The following CMSS1 variants were observed in gnomAD, a reference collection of about 807,000 sequenced individuals.
The protein encoded by CMSS1 is cms1 ribosomal small subunit homolog, also known as protein CMSS1.
A neutral mutation model predicts 43.5 loss-of-function variants in CMSS1; 33 were observed. The observed-to-expected ratio is 0.76, with a 90% CI of 0.57 to 1.01. CMSS1 has a LOEUF of 1.01. Ranked by LOEUF, CMSS1 falls within the 50% of genes least tolerant of loss-of-function variation. The probability of loss-of-function intolerance (pLI) is 0.00; values close to 1 mark genes in which losing one functional copy is unlikely to be tolerated. For missense variants in CMSS1, 313 were observed against 326.4 expected (o/e 0.96, Z 0.32); for synonymous variants, 115 against 117.2 (o/e 0.98, Z 0.12).
chr3:100,150,544 T>C (rs1457605447), intron 2 of CMSS1, among the ~76,000 whole-genome samples: 1 of 152,230 alleles, frequency 6.6e-6, no homozygotes, highest in Non-Finnish European at 1.5e-5. Context: ...TTGCCATAGC[T>C]GGGCCTCACA....
Position 100,059,604 on chromosome 3 carries a change from A to G in CMSS1, c.65-87369A>G, listed in dbSNP as rs144888331. Among the ~76,000 whole-genome samples, 1,104 of 152,304 alleles carry G rather than the reference A, an allele frequency of 7.2e-3. 19 individuals are homozygous for G. Among genetic ancestry groups the G allele is most frequent in the African/African-American group, 0.024 (1,017 of 41,572 alleles). ...ATTCAAACAGCGTTAGGAGCCAGGA[A>G]GGTTTGTGAGCCAGAAGGCGGGGGC... On this transcript the variant is annotated intron_variant, in intron 1 of 9. Transcript: ENST00000421999.
intron 1 of CMSS1, among the ~76,000 whole-genome samples, chr3:100,033,152 G>T (rs112527225): frequency 1.5e-3 from 234 of 152,160 alleles, no homozygotes; most frequent in African/African-American, 5.2e-3. Context: ...TGTGGTTACT[G>T]TATGGTAATG....
chr3:100,129,011 A>T (rs1445736625), intron 1 of CMSS1, among the ~76,000 whole-genome samples: 2 of 151,968 alleles, frequency 1.3e-5, no homozygotes, highest in Non-Finnish European at 2.9e-5. Flanking sequence ...TACTGTACAG[A>T]TTTGTGTGGG....
chr3:100,018,291 A>G (rs755353536), intron 1 of CMSS1, among the ~76,000 whole-genome samples: 7 of 152,162 alleles, frequency 4.6e-5, no homozygotes, highest in Non-Finnish European at 7.3e-5. Flanking sequence ...GTGCCATTGC[A>G]CTCCAGCCTA....
chr3:99,904,896 T>C (rs1018315197), intron 1 of CMSS1, among the ~76,000 whole-genome samples: 2 of 152,194 alleles, frequency 1.3e-5, no homozygotes, highest in Non-Finnish European at 2.9e-5. Flanking sequence ...TATTACACTC[T>C]TTACGTCTAC....
chr3:100,059,996 G>A (rs1340172787), intron 1 of CMSS1, among the ~76,000 whole-genome samples: 1 of 151,460 alleles, frequency 6.6e-6, no homozygotes, highest in African/African-American at 2.4e-5. Flanking sequence ...TGACCCATAT[G>A]ACTAGGGGTG....
intron 1 of CMSS1, among the ~76,000 whole-genome samples, chr3:99,982,927 A>G (rs1040625136): frequency 2.0e-5 from 3 of 152,180 alleles, no homozygotes; most frequent in Non-Finnish European, 4.4e-5. Flanking sequence ...TTAGTCTGTT[A>G]CATCAAAGTA....
chr3:100,139,589 A>G (rs1207250883), intron 1 of CMSS1, among the ~76,000 whole-genome samples: 3 of 134,712 alleles, frequency 2.2e-5, no homozygotes, highest in African/African-American at 8.5e-5. Flanking sequence ...GTGTATATAT[A>G]TGTGTGTGTA....
At chr3:99,855,433 A>G (rs1034706906) in intron 1 of CMSS1, among the ~76,000 whole-genome samples, 1 of 152,226 alleles carries the variant, frequency 6.6e-6, no homozygotes, top group African/African-American at 2.4e-5. Flanking sequence ...ATGTGTTGCC[A>G]AGCAGTGAGC....
At chr3:99,829,347 C>G (rs1942601287) in intron 1 of CMSS1, among the ~76,000 whole-genome samples, 1 of 152,182 alleles carries the variant, frequency 6.6e-6, no homozygotes, top group Admixed American at 6.5e-5. Context: ...ACAGGCACAC[C>G]TTTCTCTCAA....
intron 1 of CMSS1, among the ~76,000 whole-genome samples, chr3:99,923,085 C>T (rs1029167699): frequency 6.6e-6 from 1 of 151,992 alleles, no homozygotes; most frequent in Non-Finnish European, 1.5e-5. Context: ...TTCTTCTAAG[C>T]TTCCACCATT....
chr3:99,952,147 C>A (rs1487203569), intron 1 of CMSS1, among the ~76,000 whole-genome samples: 1 of 151,874 alleles, frequency 6.6e-6, no homozygotes, highest in Admixed American at 6.6e-5. Context: ...TCGCACAGAC[C>A]ACAGTCTCCT....
chr3:99,942,684 C>G lies in CMSS1; in HGVS notation c.64+124641C>G, dbSNP rs1030045743. ...CCGTCTCTACTAAAAATATAACTAG[C>G]CGGGCATGGTGGTGGATGCCTGTAA... On this transcript the variant is annotated intron_variant, in intron 1 of 9. Coordinates refer to ENST00000421999, the MANE Select transcript of CMSS1 (RefSeq NM_032359.4). 1.3e-5 allele frequency among the ~76,000 whole-genome samples: 2 copies of G among 151,798 alleles called. 1 individual carries two copies. The highest frequency in any genetic ancestry group is 4.8e-5 in the African/African-American group (2 of 41,334).
intron 1 of CMSS1, among the ~76,000 whole-genome samples, chr3:100,007,576 G>A (rs943666582): frequency 4.6e-5 from 7 of 152,184 alleles, no homozygotes; most frequent in Non-Finnish European, 1.0e-4. Context: ...CCAACTCTCA[G>A]TTATGTGACT....
intron 1 of CMSS1, among the ~76,000 whole-genome samples, chr3:100,064,154 T>C (rs2065621470): frequency 6.6e-6 from 1 of 152,204 alleles, no homozygotes; most frequent in Non-Finnish European, 1.5e-5. Context: ...CTGTAAACCT[T>C]CAAGGGCTCT....
chr3:99,833,260 A>C lies in CMSS1; in HGVS notation c.64+15217A>C, dbSNP rs527559105. The C allele has an allele frequency of 2.5e-6, 4 of 1,611,138 alleles. No homozygotes were observed. The African/African-American group carries it at 5.3e-5, about 22-fold the overall frequency. Reference sequence around the variant, plus strand: ...TCAATGAGGCAGAAGAAGTGGTTCCACCTAGGGAGCAGTAGAAAGAAGAGG... The same window carrying C: ...TCAATGAGGCAGAAGAAGTGGTTCCCCCTAGGGAGCAGTAGAAAGAAGAGG... On this transcript the variant is annotated intron_variant, in intron 1 of 9. Coordinates refer to ENST00000421999, the MANE Select transcript of CMSS1 (RefSeq NM_032359.4).
chr3:99,983,039 T>C (rs1709174218), intron 1 of CMSS1, among the ~76,000 whole-genome samples: 1 of 151,124 alleles, frequency 6.6e-6, no homozygotes, highest in Non-Finnish European at 1.5e-5. Context: ...AGGGAAGTCA[T>C]TGTTCTGTAC....
intron 1 of CMSS1, among the ~76,000 whole-genome samples, chr3:99,840,834 G>C (rs1943100885): frequency 6.6e-6 from 1 of 152,210 alleles, no homozygotes; most frequent in African/African-American, 2.4e-5. Flanking sequence ...ACTAGAACCT[G>C]ATCTATTTGC....
At chr3:99,892,958 G>C (rs969034531) in intron 1 of CMSS1, among the ~76,000 whole-genome samples, 1 of 152,114 alleles carries the variant, frequency 6.6e-6, no homozygotes, top group African/African-American at 2.4e-5. Flanking sequence ...GCCCCTGTTG[G>C]TGCTGATCCC....
Sources: allele counts gnomAD v4.1 joint callset (sites outside exome capture counted in the v4.1 genomes callset), GRCh38; gene constraint gnomAD v4.1.1; transcripts MANE v1.5; gene names NCBI Gene and HGNC (gene_info 2026-07-23, HGNC 2026-07-21).